The following HIF1AN variants were observed in gnomAD, a reference collection of about 807,000 sequenced individuals.
HIF1AN encodes hypoxia-inducible factor 1-alpha inhibitor.
Under a neutral mutation model 47.7 loss-of-function variants are expected in HIF1AN, and 21 were observed. The observed-to-expected ratio is 0.44, with a 90% CI of 0.31 to 0.63. The LOEUF (loss-of-function observed/expected upper bound fraction) is 0.63. Among genes scored for constraint, HIF1AN ranks in the 30% least tolerant of loss-of-function variants. The pLI is 0.07. For synonymous variants in HIF1AN, 152 were observed against 155.9 expected (o/e 0.98, Z 0.18); for missense variants, 320 against 432.7 (o/e 0.74, Z 2.31).
In HIF1AN at chr10:100,556,049, AG is replaced by A. The variant is rs1270288637; in HGVS notation, c.*7915del. The A allele has an allele frequency of 1.3e-5, 2 of 152,232 alleles. No individual in the cohort carries two copies. Among genetic ancestry groups the A allele is most frequent in the African/African-American group, 4.8e-5 (2 of 41,458 alleles). 9.4% of individuals were successfully genotyped at this position (152,232 alleles called of 1,614,324 possible). A position where few individuals can be genotyped will look rare whatever the true frequency, so the allele number is the denominator to read the frequency against. ...TTAGCAGAATGACCGGTCCATAGCA[AG>A]GGCTCAGTCTTTCTGTGTCTCTCAG... On this transcript the variant is annotated 3_prime_UTR_variant, in exon 8 of 8. Transcript: ENST00000299163.
Position 100,552,868 on chromosome 10 carries a change from C to G in HIF1AN, c.*4731C>G, listed in dbSNP as rs1174125989. ...TGTTCTTGCCCTTCCATTGTCAGTTCTGTACATCCTGGTTCAGCTTGTCTC... is the reference window on the plus strand; with the variant it reads ...TGTTCTTGCCCTTCCATTGTCAGTTGTGTACATCCTGGTTCAGCTTGTCTC... On this transcript the variant is annotated 3_prime_UTR_variant, in exon 8 of 8. Coordinates refer to ENST00000299163, the MANE Select transcript of HIF1AN (RefSeq NM_017902.3). The G allele has an allele frequency of 6.6e-6, 1 of 152,286 alleles. No individual in the cohort carries two copies. The highest frequency in any genetic ancestry group is 1.9e-4 in the East Asian group (1 of 5,144). The allele number at this position is 152,286 out of a possible 1,614,324, so 9.4% of individuals were successfully genotyped here.
rs781297521 is a variant in HIF1AN at position 100,548,053 on chromosome 10, GA to G, written c.1006-38del. 16 of 1,608,370 alleles carry G rather than the reference GA, an allele frequency of 9.9e-6. No homozygotes were observed. In the African/African-American group the frequency reaches 2.1e-4, roughly 22 times the overall value. Reference sequence around the variant, plus strand: ...CACCCTGTCCAATTCCAGGGCCAGGGAACAGCCAGTTCTGATTGGCTCCTCA... The same window carrying G: ...CACCCTGTCCAATTCCAGGGCCAGGGACAGCCAGTTCTGATTGGCTCCTCA... On this transcript the variant is annotated intron_variant, in intron 7 of 7. Coordinates refer to ENST00000299163, the MANE Select transcript of HIF1AN (RefSeq NM_017902.3).
chr10:100,559,823 A>T lies in HIF1AN; in HGVS notation c.*11686A>T, dbSNP rs1843242950. 1 of 152,228 alleles carries T rather than the reference A, an allele frequency of 6.6e-6. No individual in the cohort carries two copies. The highest frequency in any genetic ancestry group is 6.5e-5 in the Admixed American group (1 of 15,282). The allele number at this position is 152,228 out of a possible 1,614,324, so 9.4% of individuals were successfully genotyped here. Reference sequence around the variant, plus strand: ...AACTCAGAGAGTGGGTTCTAAATGTAATATTACCACACACCCAAGTCACTT... The same window carrying T: ...AACTCAGAGAGTGGGTTCTAAATGTTATATTACCACACACCCAAGTCACTT... On this transcript the variant is annotated 3_prime_UTR_variant, in exon 8 of 8. Transcript: ENST00000299163.
At chr10:100,536,214 G>A in intron 1 of HIF1AN, 79 bp downstream of exon 1, 3 of 1,414,564 alleles carry the variant, frequency 2.1e-6, no homozygotes, top group Non-Finnish European at 2.9e-6. Flanking sequence ...TGAAAGAGAT[G>A]GGAGACTGGC....
rs397730143 is a variant in HIF1AN at position 100,542,846 on chromosome 10, G to GTTT, written c.578-2084_578-2082dup. On this transcript the variant is annotated intron_variant, in intron 3 of 7. Transcript: ENST00000299163. ...CATACACTAATAAATATGTGAATGT[G>GTTT]TTTTTTTTTTTTTTTTTTTTTTTCT... 8.0e-3 allele frequency among the ~76,000 whole-genome samples: 892 copies of GTTT among 111,634 alleles called. 24 individuals carry two copies. Among genetic ancestry groups the GTTT allele is most frequent in the Middle Eastern group, 0.027 (4 of 148 alleles). 73.2% of individuals were successfully genotyped at this position (111,634 alleles called of 152,430 possible). A position where few individuals can be genotyped will look rare whatever the true frequency, so the allele number is the denominator to read the frequency against.
At position 100,559,401 on chromosome 10, in the gene HIF1AN, T is replaced by C. The variant is rs928707090; in HGVS notation, c.*11264T>C. The C allele has an allele frequency of 6.6e-6, 1 of 152,222 alleles. No homozygotes were observed. The highest frequency in any genetic ancestry group is 1.5e-5 in the Non-Finnish European group (1 of 68,042). The allele number at this position is 152,222 out of a possible 1,614,324, so 9.4% of individuals were successfully genotyped here. ...CTTAGAAAAGAGAGGATTTTGGATA[T>C]GTAACTTTGAAGAGGTGAATAGTTT... On this transcript the variant is annotated 3_prime_UTR_variant, in exon 8 of 8. Transcript: ENST00000299163.
intron 3 of HIF1AN, 115 bp from the exon 4 acceptor site, chr10:100,544,835 AT>A (rs1843078720): frequency 1.0e-6 from 1 of 962,074 alleles, no homozygotes; most frequent in Admixed American, 2.3e-5. Flanking sequence ...CTAAATTTTG[AT>A]TTGGAACTTT....
Position 100,550,014 on chromosome 10 carries a change from G to C in HIF1AN, c.*1877G>C, listed in dbSNP as rs759326311. The C allele has an allele frequency of 6.6e-6, 1 of 152,180 alleles. No individual in the cohort carries two copies. Among genetic ancestry groups the C allele is most frequent in the Non-Finnish European group, 1.5e-5 (1 of 68,042 alleles). 9.4% of individuals were successfully genotyped at this position (152,180 alleles called of 1,614,324 possible). A position where few individuals can be genotyped will look rare whatever the true frequency, so the allele number is the denominator to read the frequency against. ...CAATGCTGGGAAATGTGATTGCAGT[G>C]ATCTCTATCTCTCCACTTCTTTTGG... On this transcript the variant is annotated 3_prime_UTR_variant, in exon 8 of 8. Coordinates refer to ENST00000299163, the MANE Select transcript of HIF1AN (RefSeq NM_017902.3).
chr10:100,542,409 A>G (rs1843044344), intron 3 of HIF1AN, among the ~76,000 whole-genome samples: 1 of 152,164 alleles, frequency 6.6e-6, no homozygotes, highest in South Asian at 2.1e-4. Flanking sequence ...GCTGGAGTGC[A>G]GTGGCGCGAT....
At chr10:100,540,881 A>G in intron 3 of HIF1AN, 99 bp downstream of exon 3, 2 of 1,097,816 alleles carry the variant, frequency 1.8e-6, no homozygotes, top group Non-Finnish European at 2.5e-6. Context: ...TGAACAAGCC[A>G]CTTCACTTTC....
At position 100,535,967 on chromosome 10, in the gene HIF1AN, G is replaced by C; in HGVS notation, c.9G>C (p.Ala3=). ...CGTCCCTGGCGGCGGAGATGGCGGC[G>C]ACAGCGGCGGAGGCTGTGGCCTCTG... MA[A]TAAEAVASGS... is the part of the protein sequence containing the mutation. Residue 3 remains alanine (A), a synonymous_variant, in exon 1 of 8, where the codon GCG becomes GCC. Transcript: ENST00000299163. 1 of 1,550,478 alleles carries C rather than the reference G, an allele frequency of 6.4e-7. No homozygotes were observed. The highest frequency in any genetic ancestry group is 8.7e-7 in the Non-Finnish European group (1 of 1,148,452).
rs1349087409 is a variant in HIF1AN at position 100,559,355 on chromosome 10, TTTG to T, written c.*11221_*11223del. 1 of 152,230 alleles carries T rather than the reference TTTG, an allele frequency of 6.6e-6. No homozygotes were observed. Among genetic ancestry groups the T allele is most frequent in the Non-Finnish European group, 1.5e-5 (1 of 68,044 alleles). The allele number at this position is 152,230 out of a possible 1,614,324, so 9.4% of individuals were successfully genotyped here. A position where few individuals can be genotyped will look rare whatever the true frequency, so the allele number is the denominator to read the frequency against. ...TTGTTTTATAAGCAAAATAATAAGA[TTTG>T]TTAGCAGAACTTAAAAGCTTAGAAA... On this transcript the variant is annotated 3_prime_UTR_variant, in exon 8 of 8. Coordinates refer to ENST00000299163, the MANE Select transcript of HIF1AN (RefSeq NM_017902.3).
At chr10:100,545,285 T>C in intron 4 of HIF1AN, 189 bp downstream of exon 4, 1 of 549,650 alleles carries the variant, frequency 1.8e-6, no homozygotes, top group South Asian at 2.9e-5. Context: ...CCACCAGATG[T>C]TTGTAAGTAT....
intron 3 of HIF1AN, among the ~76,000 whole-genome samples, chr10:100,543,257 A>G (rs1430617777): frequency 6.6e-6 from 1 of 151,954 alleles, no homozygotes; most frequent in East Asian, 1.9e-4. Context: ...TGGCATGATC[A>G]GGGCTCACTG....
chr10:100,547,349 G>T, intron 7 of HIF1AN, 99 bp downstream of exon 7: 1 of 742,410 alleles, frequency 1.3e-6, no homozygotes, highest in South Asian at 1.5e-5. Context: ...AGTGTCTGGT[G>T]TCCTCTCTCT....
In HIF1AN at chr10:100,556,961, C is replaced by CT. The variant is rs1843219454; in HGVS notation, c.*8825dup. The CT allele has an allele frequency of 6.6e-6, 1 of 152,230 alleles. No individual in the cohort carries two copies. Among genetic ancestry groups the CT allele is most frequent in the Admixed American group, 6.5e-5 (1 of 15,276 alleles). The allele number at this position is 152,230 out of a possible 1,614,324, so 9.4% of individuals were successfully genotyped here. A position where few individuals can be genotyped will look rare whatever the true frequency, so the allele number is the denominator to read the frequency against. The stretch of plus-strand genomic sequence containing the variant: ...GCAGCAAGGCTTTTCTGATCCTACT[C>CT]TGACTCTCAAGATAATGGTGCTTGA... On this transcript the variant is annotated 3_prime_UTR_variant, in exon 8 of 8. Coordinates refer to ENST00000299163, the MANE Select transcript of HIF1AN (RefSeq NM_017902.3).
chr10:100,540,495 G>T, intron 2 of HIF1AN, 139 bp from the exon 3 acceptor site: 1 of 813,506 alleles, frequency 1.2e-6, no homozygotes, highest in Non-Finnish European at 2.0e-6. Flanking sequence ...AATCCATGTT[G>T]GCTAAAATTT....
chr10:100,542,853 T>TG (rs201122565), intron 3 of HIF1AN, among the ~76,000 whole-genome samples: 1,129 of 90,392 alleles, frequency 0.012, 26 homozygotes, highest in African/African-American at 0.045. Context: ...TGTGTTTTTT[T>TG]TTTTTTTTTT....
intron 2 of HIF1AN, among the ~76,000 whole-genome samples, chr10:100,537,024 C>G (rs747713719): frequency 6.6e-6 from 1 of 152,104 alleles, no homozygotes; most frequent in Non-Finnish European, 1.5e-5. Flanking sequence ...AGGCATAAGC[C>G]TTGTTCAAAG....
Sources: allele counts gnomAD v4.1 joint callset (sites outside exome capture counted in the v4.1 genomes callset), GRCh38; gene constraint gnomAD v4.1.1; transcripts MANE v1.5; gene names NCBI Gene and HGNC (gene_info 2026-07-23, HGNC 2026-07-21).